The following RGS6 variants were observed in gnomAD, a reference collection of about 807,000 sequenced individuals.
RGS6 encodes regulator of G protein signaling 6, also known as regulator of G-protein signaling 6.
A neutral mutation model predicts 78.5 loss-of-function variants in RGS6; 30 were observed. That is an observed-to-expected ratio of 0.38 (90% CI 0.29 to 0.52). The LOEUF is 0.52. Among genes scored for constraint, RGS6 ranks in the 20% least tolerant of loss-of-function variants. The pLI is 0.85. For synonymous variants in RGS6, 206 were observed against 206.0 expected, an observed-to-expected ratio of 1.00 and a Z score of 0.00; for missense variants, 495 against 609.7, an observed-to-expected ratio of 0.81 and a Z score of 1.98.
chr14:71,904,791 C>T, the RGS6 span, among the ~76,000 whole-genome samples: 11 of 101,292 alleles, frequency 1.1e-4, no homozygotes, highest in East Asian at 7.2e-4. Context: ...TCTAATAACC[C>T]GAATATTTCT....
chr14:72,202,152 T>A (rs1478551722), intron 2 of RGS6, among the ~76,000 whole-genome samples: 2 of 152,340 alleles, frequency 1.3e-5, no homozygotes, highest in East Asian at 3.9e-4. Context: ...ACTTAAAATA[T>A]CTCTTGTTTT....
chr14:72,077,240 G>A (rs1394913768), intron 2 of RGS6, among the ~76,000 whole-genome samples: 1 of 152,040 alleles, frequency 6.6e-6, no homozygotes, highest in Admixed American at 6.5e-5. Flanking sequence ...GTACTAATGT[G>A]TATGAATTCC....
At chr14:72,444,409 C>A (rs1488286297) in intron 3 of RGS6, among the ~76,000 whole-genome samples, 1 of 152,072 alleles carries the variant, frequency 6.6e-6, no homozygotes, top group East Asian at 1.9e-4. Context: ...GAACAGTGGC[C>A]AAGGGCTTCC....
At chr14:72,325,655 A>G (rs1567759673) in intron 2 of RGS6, among the ~76,000 whole-genome samples, 3 of 152,082 alleles carry the variant, frequency 2.0e-5, no homozygotes, top group Admixed American at 1.3e-4. Context: ...ACAAAGGACT[A>G]TTCTTCTTAA....
chr14:72,352,886 G>A lies in RGS6; in HGVS notation c.184+692G>A, dbSNP rs571123602. On this transcript the variant is annotated intron_variant, in intron 3 of 17. Transcript: ENST00000553525. ...CTTCATAGTTTTACTACCTAGGTAT[G>A]TATCTTTTGCTATCCAAACAAGTAA... 1.3e-3 allele frequency among the ~76,000 whole-genome samples: 191 copies of A among 152,232 alleles called. 1 individual carries two copies. The highest frequency in any genetic ancestry group is 4.1e-3 in the African/African-American group (172 of 41,532).
intron 2 of RGS6, among the ~76,000 whole-genome samples, chr14:72,189,073 A>T (rs1456215945): frequency 2.0e-5 from 3 of 152,338 alleles, no homozygotes; most frequent in Admixed American, 2.0e-4. Context: ...AGGCTCAGAT[A>T]GTAAATGTGT....
intron 2 of RGS6, among the ~76,000 whole-genome samples, chr14:72,246,182 C>T (rs548228718): frequency 6.6e-6 from 1 of 152,320 alleles, no homozygotes; most frequent in Non-Finnish European, 1.5e-5. Flanking sequence ...TGGCTTCCTA[C>T]AGGCAACCCA....
intron 2 of RGS6, among the ~76,000 whole-genome samples, chr14:72,240,084 C>T (rs909004347): frequency 6.6e-6 from 1 of 152,116 alleles, no homozygotes; most frequent in Non-Finnish European, 1.5e-5. Flanking sequence ...CAACATAAAA[C>T]CCAGGTCACA....
chr14:72,459,735 C>T, intron 6 of RGS6, 52 bp downstream of exon 6: 1 of 1,579,008 alleles, frequency 6.3e-7, no homozygotes, highest in Non-Finnish European at 8.7e-7. Context: ...TGTGTCACTT[C>T]TGGGGGTGCA....
chr14:72,459,949 T>C (rs2095736133), intron 6 of RGS6, among the ~76,000 whole-genome samples: 1 of 152,154 alleles, frequency 6.6e-6, no homozygotes, highest in Non-Finnish European at 1.5e-5. Context: ...ATGTTCATCT[T>C]GGGGCCATGG....
chr14:72,175,880 G>A (rs2097098641), intron 2 of RGS6, among the ~76,000 whole-genome samples: 1 of 152,184 alleles, frequency 6.6e-6, no homozygotes, highest in South Asian at 2.1e-4. Context: ...ATTATGGGCA[G>A]TGCTGGTCCC....
In RGS6 at chr14:72,504,631, T is replaced by C. The variant is rs192048285; in HGVS notation, c.966-5523T>C. The stretch of plus-strand genomic sequence containing the variant: ...TATCTAGGAAGATTGAGGCTTTCTT[T>C]ATAGCTCTCCTCTTTACTTTCTGAG... On this transcript the variant is annotated intron_variant, in intron 13 of 17. Coordinates refer to ENST00000553525, the MANE Select transcript of RGS6 (RefSeq NM_001204424.2). 6.6e-3 allele frequency among the ~76,000 whole-genome samples: 1,005 copies of C among 152,266 alleles called. 6 individuals are homozygous for C. Among genetic ancestry groups the C allele is most frequent in the Non-Finnish European group, 8.2e-3 (559 of 68,024 alleles).
intron 1 of RGS6, among the ~76,000 whole-genome samples, chr14:71,950,451 C>T (rs2092170466): frequency 6.6e-6 from 1 of 152,070 alleles, no homozygotes; most frequent in Non-Finnish European, 1.5e-5. Context: ...TAAAGTAAAA[C>T]CAAAAACTAT....
At chr14:72,023,510 T>C (rs1012985404) in intron 2 of RGS6, among the ~76,000 whole-genome samples, 1 of 152,020 alleles carries the variant, frequency 6.6e-6, no homozygotes, top group Non-Finnish European at 1.5e-5. Context: ...AAATGTTTGC[T>C]CAAAATGTCA....
At chr14:72,064,632 C>T (rs777815933) in intron 2 of RGS6, among the ~76,000 whole-genome samples, 6 of 152,156 alleles carry the variant, frequency 3.9e-5, no homozygotes, top group Admixed American at 2.0e-4. Flanking sequence ...TGCAGTTTAA[C>T]GAGCAGGCTA....
intron 2 of RGS6, among the ~76,000 whole-genome samples, chr14:72,276,979 A>T (rs566119464): frequency 6.6e-6 from 1 of 152,044 alleles, no homozygotes; most frequent in Admixed American, 6.6e-5. Flanking sequence ...GAAGGCAGGG[A>T]TATTTGTCTT....
chr14:72,328,823 T>C (rs928044341), intron 2 of RGS6, among the ~76,000 whole-genome samples: 1 of 152,224 alleles, frequency 6.6e-6, no homozygotes, highest in Non-Finnish European at 1.5e-5. Flanking sequence ...CTGAGAAAAA[T>C]GTGAAATATA....
chr14:71,910,025 TA>T, the RGS6 span, among the ~76,000 whole-genome samples: 1 of 151,826 alleles, frequency 6.6e-6, no homozygotes, highest in African/African-American at 2.4e-5. Flanking sequence ...CTATCTCTAC[TA>T]AAATACAAAA....
At chr14:72,145,409 C>A (rs769673176) in intron 2 of RGS6, among the ~76,000 whole-genome samples, 1 of 152,150 alleles carries the variant, frequency 6.6e-6, no homozygotes, top group Non-Finnish European at 1.5e-5. Context: ...ACAAGGACAG[C>A]TTAAAGGATA....
Sources: gnomAD v4.1 joint callset for allele counts (sites outside exome capture counted in the v4.1 genomes callset) on GRCh38, gnomAD v4.1.1 for gene constraint, MANE v1.5 for transcripts, NCBI Gene and HGNC (gene_info 2026-07-23, HGNC 2026-07-21) for gene names.